Variants in BOD1L1 observed in about 807,000 individuals in gnomAD.
BOD1L1 encodes the protein biorientation of chromosomes in cell division protein 1-like 1.
BOD1L1 carries 86 observed loss-of-function variants against 240.7 expected under a neutral mutation model. That is an observed-to-expected ratio of 0.36 (90% CI 0.30 to 0.43). The LOEUF (loss-of-function observed/expected upper bound fraction) is 0.43. Among genes scored for constraint, BOD1L1 ranks in the 20% least tolerant of loss-of-function variants. The probability of loss-of-function intolerance (pLI) is 1.00; values close to 1 mark genes in which losing one functional copy is unlikely to be tolerated. For missense variants in BOD1L1, 3,554 were observed against 3,643.5 expected, an observed-to-expected ratio of 0.98 and a Z score of 0.63; for synonymous variants, 1,268 against 1,272.3, an observed-to-expected ratio of 1.00 and a Z score of 0.07.
At chr4:13,605,188 T>C (rs1480368322) in intron 9 of BOD1L1, 104 bp from the exon 10 acceptor site, 5 of 959,846 alleles carry the variant, frequency 5.2e-6, no homozygotes, top group Non-Finnish European at 5.7e-6. Context: ...GTCACATATG[T>C]AACATCTCAC....
intron 1 of BOD1L1, 139 bp downstream of exon 1, chr4:13,627,206 A>C (rs1337508969): frequency 2.8e-6 from 1 of 355,234 alleles, no homozygotes. Context: ...ACCAAAGGAC[A>C]CGCTAAGGAA....
rs991784929 is a variant in BOD1L1, at chr4:13,588,704, G to T, written c.8280+18C>A. The T allele has an allele frequency of 4.5e-6, 7 of 1,566,226 alleles. No homozygotes were observed. The highest frequency in any genetic ancestry group is 6.1e-6 in the Non-Finnish European group (7 of 1,152,474). On this transcript the variant is annotated intron_variant, in intron 15 of 25. Coordinates refer to ENST00000040738, the MANE Select transcript of BOD1L1 (RefSeq NM_148894.3). ...ATTATGTATAAAATATCAAACACTT[G>T]AGTTTATTAAAATGCACCTCTTTAG...
At chr4:13,581,272 G>T in intron 19 of BOD1L1, 65 bp from the exon 20 acceptor site, 1 of 1,176,436 alleles carries the variant, frequency 8.5e-7, no homozygotes, top group Non-Finnish European at 1.2e-6. Context: ...ATTATATAAA[G>T]TTTTCTCAAA....
At chr4:13,593,293 A>C (rs1714363979) in intron 12 of BOD1L1, 1 of 152,126 alleles carries the variant, frequency 6.6e-6, no homozygotes, top group Non-Finnish European at 1.5e-5. Context: ...TGCATTATGA[A>C]AGTTCGTTGC....
intron 1 of BOD1L1, chr4:13,623,960 T>C (rs1267247882): frequency 6.6e-6 from 1 of 152,178 alleles, no homozygotes; most frequent in African/African-American, 2.4e-5. Flanking sequence ...CCACTCATCA[T>C]ATTGATATGA....
At position 13,601,672 on chromosome 4, in the gene BOD1L1, G is replaced by A. The variant is rs775549275; in HGVS notation, c.5228C>T (p.Ser1743Leu). 15 of 1,613,816 alleles carry A rather than the reference G, an allele frequency of 9.3e-6. No homozygotes were observed. The highest frequency in any genetic ancestry group is 1.1e-5 in the Non-Finnish European group (13 of 1,179,886). Reference sequence around the variant, plus strand: ...CTCCCGGGGCCCTGCTCCAGTTACTGAGCAGATCACAAAGTTATCACTTCT... The same window carrying A: ...CTCCCGGGGCCCTGCTCCAGTTACTAAGCAGATCACAAAGTTATCACTTCT... ...EGRSDNFVIC[S>L]VTGAGPREER... Residue 1743 changes from serine (S) to leucine (L), a missense_variant, in exon 10 of 26, where the codon TCA (serine) becomes TTA (leucine). Physicochemically the swap from Ser to Leu is moderately radical, Grantham distance 145 (BLOSUM62 -2). Transcript: ENST00000040738.
intron 2 of BOD1L1, among the ~76,000 whole-genome samples, chr4:13,618,838 G>A (rs1373934616): frequency 6.7e-6 from 1 of 149,416 alleles, no homozygotes; most frequent in Admixed American, 6.8e-5. Flanking sequence ...TTAAGAGGTG[G>A]CAGGTATAAA....
At chr4:13,611,127 G>A in intron 5 of BOD1L1, 27 bp from the exon 6 acceptor site, 1 of 1,516,702 alleles carries the variant, frequency 6.6e-7, no homozygotes, top group Non-Finnish European at 9.0e-7. Context: ...AGAAAGAGGA[G>A]TATGTCTGTG....
intron 3 of BOD1L1, 102 bp from the exon 4 acceptor site, chr4:13,614,912 C>T (rs1577374804): frequency 8.4e-7 from 1 of 1,197,364 alleles, no homozygotes; most frequent in Non-Finnish European, 1.1e-6. Flanking sequence ...GATGCATATG[C>T]TGTGCAGACC....
rs747779662 is a variant in BOD1L1 at position 13,602,143 on chromosome 4, A to G, written c.4757T>C (p.Phe1586Ser). 6.4e-5 allele frequency: 104 copies of G among 1,613,876 alleles called. No homozygotes were observed. The highest frequency in any genetic ancestry group is 8.2e-5 in the Non-Finnish European group (97 of 1,179,882). Residue 1586 changes from phenylalanine (F) to serine (S), a missense_variant, in exon 10 of 26, where the codon TTT (phenylalanine) becomes TCT (serine). Coordinates refer to ENST00000040738, the MANE Select transcript of BOD1L1 (RefSeq NM_148894.3). ...AGCCCCACCTTCTTCAGCTGCAGCA[A>G]AAACAGTGCATTCACTGGCTTCTGC... Reference protein sequence around the residue: ...VGAEASECTVFAAAEEGGAVV... With the variant: ...VGAEASECTVSAAAEEGGAVV...
chr4:13,573,063 T>C (rs1024193562), intron 25 of BOD1L1, among the ~76,000 whole-genome samples: 1 of 152,164 alleles, frequency 6.6e-6, no homozygotes, highest in Non-Finnish European at 1.5e-5. Flanking sequence ...CTGTGCATGA[T>C]ATTTTATTGT....
chr4:13,583,501 C>T (rs1460649963), intron 17 of BOD1L1, among the ~76,000 whole-genome samples: 1 of 152,082 alleles, frequency 6.6e-6, no homozygotes, highest in Non-Finnish European at 1.5e-5. Context: ...CATTCAATGT[C>T]ATTGGGTTTT....
intron 2 of BOD1L1, among the ~76,000 whole-genome samples, chr4:13,615,953 C>G (rs955419341): frequency 6.6e-6 from 1 of 151,462 alleles, no homozygotes; most frequent in Non-Finnish European, 1.5e-5. Flanking sequence ...CATTAGAGTC[C>G]CCAGAAAAAA....
chr4:13,590,293 TA>T, intron 14 of BOD1L1, 92 bp downstream of exon 14: 1 of 582,838 alleles, frequency 1.7e-6, no homozygotes, highest in Admixed American at 4.0e-5. Context: ...AGAAAGTATG[TA>T]AAATAATTAA....
Position 13,600,287 on chromosome 4 carries a change from GA to G in BOD1L1, c.6612del (p.Ala2206ProfsTer18). 1 of 1,614,068 alleles carries G rather than the reference GA, an allele frequency of 6.2e-7. No individual in the cohort carries two copies. Among genetic ancestry groups the G allele is most frequent in the Non-Finnish European group, 8.5e-7 (1 of 1,179,900 alleles). On this transcript the variant is annotated frameshift_variant, in exon 10 of 26. Transcript: ENST00000040738. LOFTEE classifies it high-confidence loss of function. ...MPSAPPEAES[P>X]LASTSKEEKD... is the part of the protein sequence containing the mutation. ...TTCTCCTCCTTGCTGGTTGAGGCAAGAGGACTTTCAGCTTCTGGGGGCGCAC... is the reference window on the plus strand; with the variant it reads ...TTCTCCTCCTTGCTGGTTGAGGCAAGGGACTTTCAGCTTCTGGGGGCGCAC...
rs1337145901 is a variant in BOD1L1, at chr4:13,600,234, G to A, written c.6666C>T (p.Ser2222=). The change falls in exon 10 of 26, where the codon AGC becomes AGT. Residue 2222 remains serine, a synonymous_variant. Coordinates refer to ENST00000040738, the MANE Select transcript of BOD1L1 (RefSeq NM_148894.3). ...EKDECALIST[S]IAEECEASVS... ...CAGAAGCCTCACATTCTTCTGCTAT[G>A]CTAGTGGAAATGAGAGCACATTCAT... 3 of 1,613,982 alleles carry A rather than the reference G, an allele frequency of 1.9e-6. No individual in the cohort carries two copies. The highest frequency in any genetic ancestry group is 2.5e-6 in the Non-Finnish European group (3 of 1,179,898).
chr4:13,617,108 G>A (rs560549788), intron 2 of BOD1L1, among the ~76,000 whole-genome samples: 2 of 152,080 alleles, frequency 1.3e-5, no homozygotes, highest in East Asian at 1.9e-4. Context: ...AGCTGGGTGT[G>A]GTGGCACGTG....
chr4:13,596,047 T>A, intron 11 of BOD1L1, 103 bp from the exon 12 acceptor site: 2 of 872,738 alleles, frequency 2.3e-6, no homozygotes, highest in Non-Finnish European at 3.6e-6. Context: ...CCTGAAACAA[T>A]ATAAAAGCCT....
In BOD1L1 at chr4:13,601,377, T is replaced by C; in HGVS notation, c.5523A>G (p.Val1841=). The stretch of plus-strand genomic sequence containing the variant: ...CACAAGGACCAGCAGCAACTAATGG[T>C]ACATTAGTGCCTTCTTTGGCCACTG... The part of the protein sequence containing the change: ...DSTVAKEGTN[V]PLVAAGPCDD... Residue 1841 remains valine (V), a synonymous_variant, in exon 10 of 26, where the codon GTA becomes GTG. Transcript: ENST00000040738. 1 of 1,614,044 alleles carries C rather than the reference T, an allele frequency of 6.2e-7. No homozygotes were observed. Among genetic ancestry groups the C allele is most frequent in the Non-Finnish European group, 8.5e-7 (1 of 1,179,902 alleles).
Sources: gnomAD v4.1 joint callset for allele counts (sites outside exome capture counted in the v4.1 genomes callset) on GRCh38, gnomAD v4.1.1 for gene constraint, MANE v1.5 for transcripts, NCBI Gene and HGNC (gene_info 2026-07-23, HGNC 2026-07-21) for gene names.